Variants in JAKMIP1 observed in about 807,000 individuals in gnomAD.
JAKMIP1 encodes janus kinase and microtubule-interacting protein 1.
Under a neutral mutation model 113.0 loss-of-function variants are expected in JAKMIP1, and 33 were observed. The observed-to-expected ratio is 0.29, with a 90% CI of 0.22 to 0.39. The LOEUF (loss-of-function observed/expected upper bound fraction) is 0.39. Ranked by LOEUF, JAKMIP1 falls within the 10% of genes least tolerant of loss-of-function variation. JAKMIP1 has a pLI of 1.00. For synonymous variants in JAKMIP1, 480 were observed against 459.9 expected, an observed-to-expected ratio of 1.04 and a Z score of -0.56; for missense variants, 813 against 1,080.5, an observed-to-expected ratio of 0.75 and a Z score of 3.47.
intron 8 of JAKMIP1, among the ~76,000 whole-genome samples, chr4:6,072,409 C>T (rs1473712075): frequency 6.6e-6 from 1 of 152,210 alleles, no homozygotes; most frequent in East Asian, 1.9e-4. Context: ...CAAAGTCCTG[C>T]TGCCCATGCC....
rs893936638 is a variant in JAKMIP1, at chr4:6,065,725, T to C, written c.1303-717A>G. On this transcript the variant is annotated intron_variant, in intron 8 of 20. Transcript: ENST00000409021. The surrounding 1 kb of genome is among the most constrained non-coding windows in gnomAD (Gnocchi z 5.1). ...CAGAGGCAAATTGTAAGGCTCTATG[T>C]GACGGCCTCTGAGTTGCCCTGCTGG... Among the ~76,000 whole-genome samples the C allele has an allele frequency of 3.9e-5, 6 of 152,244 alleles. No homozygotes were observed. The highest frequency in any genetic ancestry group is 9.6e-5 in the African/African-American group (4 of 41,470).
Position 6,054,080 on chromosome 4 carries a change from C to T in JAKMIP1, c.1776G>A (p.Glu592=). 1 of 1,614,138 alleles carries T rather than the reference C, an allele frequency of 6.2e-7. No individual in the cohort carries two copies. The highest frequency in any genetic ancestry group is 8.5e-7 in the Non-Finnish European group (1 of 1,179,952). Residue 592 remains glutamate, a synonymous_variant, in exon 13 of 21, where the codon GAG becomes GAA. Transcript: ENST00000409021. ...NEMQDAKDQN[E]LLEFRVLELE... ...GTTCTAGCACTCTGAATTCTAACAG[C>T]TCGTTCTGATCCTTGGCGTCTTGCA...
intron 16 of JAKMIP1, among the ~76,000 whole-genome samples, chr4:6,048,244 G>C (rs183740558): frequency 6.6e-6 from 1 of 152,304 alleles, no homozygotes; most frequent in East Asian, 1.9e-4. Context: ...GGTATCTGGT[G>C]CCGCTTTTCT....
At chr4:6,111,777 A>C (rs1714975327) in intron 2 of JAKMIP1, among the ~76,000 whole-genome samples, 1 of 152,214 alleles carries the variant, frequency 6.6e-6, no homozygotes, top group South Asian at 2.1e-4. Context: ...AATCTGCCTT[A>C]GGAGAGAGGA....
chr4:6,178,934 A>G lies in JAKMIP1; in HGVS notation c.-148+21319T>C, dbSNP rs1725712326. Among the ~76,000 whole-genome samples, 1 of 152,136 alleles carries G rather than the reference A, an allele frequency of 6.6e-6. No individual in the cohort carries two copies. The highest frequency in any genetic ancestry group is 6.5e-5 in the Admixed American group (1 of 15,290). On this transcript the variant is annotated intron_variant, in intron 1 of 20. Coordinates refer to ENST00000409021, the MANE Select transcript of JAKMIP1 (RefSeq NM_001099433.2). This position sits in a 1 kb window ranked among gnomAD's most constrained non-coding sequence, Gnocchi z 5.5. ...CCCCGGCACAGTGCCTGGCTCGGAGAGCACACTCGGTCATTCATTTATGAA... is the reference window on the plus strand; with the variant it reads ...CCCCGGCACAGTGCCTGGCTCGGAGGGCACACTCGGTCATTCATTTATGAA...
chr4:6,102,042 C>T (rs896889158), intron 3 of JAKMIP1, among the ~76,000 whole-genome samples: 2 of 152,054 alleles, frequency 1.3e-5, no homozygotes, highest in Non-Finnish European at 2.9e-5. Context: ...TGATTTAGAT[C>T]TCCTTAAGTT....
In JAKMIP1 at chr4:6,064,431, T is replaced by C. The variant is rs1310392265; in HGVS notation, c.1431+449A>G. Among the ~76,000 whole-genome samples, 4 of 152,190 alleles carry C rather than the reference T, an allele frequency of 2.6e-5. No homozygotes were observed. The highest frequency in any genetic ancestry group is 2.6e-4 in the Admixed American group (4 of 15,288). The stretch of plus-strand genomic sequence containing the variant: ...TCAGGGCTCTTCACCTTCTTCTTTA[T>C]ATATTTTTGGATTACATGCTTTATC... On this transcript the variant is annotated intron_variant, in intron 9 of 20. Coordinates refer to ENST00000409021, the MANE Select transcript of JAKMIP1 (RefSeq NM_001099433.2). The surrounding 1 kb of genome is among the most constrained non-coding windows in gnomAD (Gnocchi z 4.3).
intron 3 of JAKMIP1, among the ~76,000 whole-genome samples, chr4:6,099,906 GA>G (rs1291761469): frequency 5.9e-5 from 9 of 152,274 alleles, no homozygotes; most frequent in African/African-American, 2.2e-4. Context: ...GGATGCTACC[GA>G]GGGGCACGGC....
At chr4:6,177,593 C>T (rs550224614) in intron 1 of JAKMIP1, among the ~76,000 whole-genome samples, 1 of 152,316 alleles carries the variant, frequency 6.6e-6, no homozygotes, top group African/African-American at 2.4e-5. Context: ...CCTGCATCAT[C>T]ACACCTCACT....
intron 3 of JAKMIP1, among the ~76,000 whole-genome samples, chr4:6,100,536 C>T (rs996306208): frequency 2.6e-5 from 4 of 152,196 alleles, no homozygotes; most frequent in African/African-American, 7.2e-5. Context: ...ATGCTATAAG[C>T]ATTCATGTAC....
intron 1 of JAKMIP1, among the ~76,000 whole-genome samples, chr4:6,191,473 A>G (rs1382153627): frequency 1.3e-5 from 2 of 152,242 alleles, no homozygotes; most frequent in East Asian, 3.8e-4. Context: ...CCTTGTCCTC[A>G]TGGGGACCCA....
At chr4:6,122,992 G>A (rs936171080) in intron 1 of JAKMIP1, among the ~76,000 whole-genome samples, 2 of 152,238 alleles carry the variant, frequency 1.3e-5, no homozygotes, top group Non-Finnish European at 1.5e-5. Context: ...ATAAGGACTC[G>A]GTAACAGTTA....
In JAKMIP1 at chr4:6,199,807, T is replaced by C. The variant is rs1293526761; in HGVS notation, c.-148+446A>G. On this transcript the variant is annotated intron_variant, in intron 1 of 20. Transcript: ENST00000409021. This position sits in a 1 kb window ranked among gnomAD's most constrained non-coding sequence, Gnocchi z 5.6. ...AGATCTGGGGGACTGTGACCTACCC[T>C]GCGGAAGACACGGAGGGGACGGGCC... is the stretch of plus-strand genomic sequence containing the variant. Among the ~76,000 whole-genome samples, 1 of 150,894 alleles carries C rather than the reference T, an allele frequency of 6.6e-6. No homozygotes were observed. The highest frequency in any genetic ancestry group is 1.5e-5 in the Non-Finnish European group (1 of 67,644).
chr4:6,037,778 T>C (rs182966641), intron 18 of JAKMIP1, among the ~76,000 whole-genome samples: 35 of 108,908 alleles, frequency 3.2e-4, no homozygotes, highest in African/African-American at 6.0e-4. Context: ...GAGTCAGAGG[T>C]TAACCCAGTA....
Position 6,185,290 on chromosome 4 carries a change from C to T in JAKMIP1, c.-148+14963G>A, listed in dbSNP as rs1046924039. On this transcript the variant is annotated intron_variant, in intron 1 of 20. Transcript: ENST00000409021. The surrounding 1 kb of genome is among the most constrained non-coding windows in gnomAD (Gnocchi z 5.3). ...CCTGACTAATACAAGTGGGAACCAG[C>T]CCTGTCTGCCCTAGTTCTTAAACTG... is the stretch of plus-strand genomic sequence containing the variant. 6.6e-6 allele frequency among the ~76,000 whole-genome samples: 1 copy of T among 152,164 alleles called. No individual in the cohort carries two copies. The highest frequency in any genetic ancestry group is 1.5e-5 in the Non-Finnish European group (1 of 68,034).
chr4:6,061,866 G>A lies in JAKMIP1; in HGVS notation c.1560+446C>T, dbSNP rs1031530051. ...CCTAGCCTGAGGAATGGCGTGGCCT[G>A]GACTGAGGTGGTCACAGGGCCCAGA... On this transcript the variant is annotated intron_variant, in intron 10 of 20. Coordinates refer to ENST00000409021, the MANE Select transcript of JAKMIP1 (RefSeq NM_001099433.2). This position sits in a 1 kb window ranked among gnomAD's most constrained non-coding sequence, Gnocchi z 5.3. 1.3e-5 allele frequency among the ~76,000 whole-genome samples: 2 copies of A among 152,188 alleles called. No individual in the cohort carries two copies. Among genetic ancestry groups the A allele is most frequent in the African/African-American group, 4.8e-5 (2 of 41,448 alleles).
chr4:6,052,222 A>T lies in JAKMIP1; in HGVS notation c.1807-1543T>A, dbSNP rs952857682. On this transcript the variant is annotated intron_variant, in intron 13 of 20. Coordinates refer to ENST00000409021, the MANE Select transcript of JAKMIP1 (RefSeq NM_001099433.2). ...AGCCAAAATTTAAAAAAATAAAATA[A>T]AAAAAAAACAAGCAAAAAAACAAAT... is the stretch of plus-strand genomic sequence containing the variant. Among the ~76,000 whole-genome samples the T allele has an allele frequency of 3.8e-4, 32 of 84,708 alleles. No individual in the cohort carries two copies. In the African/African-American group the frequency reaches 7.1e-3, roughly 19 times the overall value. The allele number at this position is 84,708 out of a possible 152,430, so 55.6% of individuals were successfully genotyped here. A position where few individuals can be genotyped will look rare whatever the true frequency, so the allele number is the denominator to read the frequency against.
chr4:6,160,191 G>A (rs1722739224), intron 1 of JAKMIP1, among the ~76,000 whole-genome samples: 1 of 152,122 alleles, frequency 6.6e-6, no homozygotes, highest in African/African-American at 2.4e-5. Context: ...AGGTCAGAGA[G>A]AAAAACATCA....
rs974732211 is a variant in JAKMIP1, at chr4:6,139,528, G to A, written c.-147-26531C>T. On this transcript the variant is annotated intron_variant, in intron 1 of 20. Transcript: ENST00000409021. The surrounding 1 kb of genome is among the most constrained non-coding windows in gnomAD (Gnocchi z 5.2). ...CACGCCTGTAACCCCAGCACTTTGG[G>A]AGGCTGAGGCAGGCGGATCACAAAG... Among the ~76,000 whole-genome samples, 2 of 152,122 alleles carry A rather than the reference G, an allele frequency of 1.3e-5. No homozygotes were observed. The highest frequency in any genetic ancestry group is 2.4e-5 in the African/African-American group (1 of 41,398).
Sources: allele counts gnomAD v4.1 joint callset (sites outside exome capture counted in the v4.1 genomes callset), GRCh38; gene constraint gnomAD v4.1.1; non-coding constraint Gnocchi (gnomAD v3.1); transcripts MANE v1.5; gene names NCBI Gene and HGNC (gene_info 2026-07-23, HGNC 2026-07-21).